Variants in CD47 observed in about 807,000 individuals in gnomAD.
CD47 encodes CD47 molecule.
In CD47, 11 loss-of-function variants were observed where a neutral mutation model predicts 44.6. The ratio of observed to expected loss-of-function variants is 0.25; its 90% CI spans 0.16 to 0.41. The LOEUF (loss-of-function observed/expected upper bound fraction) is 0.41. Among genes scored for constraint, CD47 ranks in the 10% least tolerant of loss-of-function variants. The pLI is 1.00. For synonymous variants in CD47, 140 were observed against 136.3 expected (o/e 1.03, Z -0.19); for missense variants, 306 against 386.7 (o/e 0.79, Z 1.75).
In CD47 at chr3:108,079,976, T is replaced by C; in HGVS notation, c.400+15A>G. 1 of 1,556,344 alleles carries C rather than the reference T, an allele frequency of 6.4e-7. No individual in the cohort carries two copies. The highest frequency in any genetic ancestry group is 8.8e-7 in the Non-Finnish European group (1 of 1,139,726). On this transcript the variant is annotated intron_variant, in intron 2 of 10. Transcript: ENST00000361309. ...CCAGGACAAATAAAAAAAGAAGCTT[T>C]CATAGAAGTCTTACCAACACGATAT...
At chr3:108,050,371 C>T (rs1218342976) in intron 9 of CD47, among the ~76,000 whole-genome samples, 2 of 152,138 alleles carry the variant, frequency 1.3e-5, no homozygotes, top group Non-Finnish European at 2.9e-5. Context: ...CCGCCTTGGC[C>T]TCCCAAGGTG....
Position 108,090,891 on chromosome 3 carries a change from C to G in CD47, c.18G>C (p.Ala6=). ...AGCACGCCGAGCCCAGCAACAGCGCCGCTACCAGGGGCCACATCTCCGCGC... is the reference window on the plus strand; with the variant it reads ...AGCACGCCGAGCCCAGCAACAGCGCGGCTACCAGGGGCCACATCTCCGCGC... MWPLV[A]ALLLGSACCG... is the part of the protein sequence containing the mutation. Residue 6 remains alanine (A), a synonymous_variant, in exon 1 of 11, where the codon GCG becomes GCC. Transcript: ENST00000361309. 4 of 1,490,704 alleles carry G rather than the reference C, an allele frequency of 2.7e-6. No homozygotes were observed. The highest frequency in any genetic ancestry group is 2.8e-5 in the East Asian group (1 of 35,718). 92.3% of individuals were successfully genotyped at this position (1,490,704 alleles called of 1,614,324 possible).
Position 108,047,150 on chromosome 3 carries a change from G to A in CD47, c.*138C>T. On this transcript the variant is annotated 3_prime_UTR_variant, in exon 11 of 11. Coordinates refer to ENST00000361309, the MANE Select transcript of CD47 (RefSeq NM_001777.4). Reference sequence around the variant, plus strand: ...AAACTTAACTAACAATCACGTAAGGGTCTCATAGGTGACAACCAGTTACTT... The same window carrying A: ...AAACTTAACTAACAATCACGTAAGGATCTCATAGGTGACAACCAGTTACTT... 1.8e-6 allele frequency: 1 copy of A among 566,456 alleles called. No homozygotes were observed. The allele number at this position is 566,456 out of a possible 1,614,324, so 35.1% of individuals were successfully genotyped here.
chr3:108,090,791 T>G, intron 1 of CD47, 72 bp downstream of exon 1: 2 of 1,345,304 alleles, frequency 1.5e-6, no homozygotes, highest in East Asian at 3.1e-5. Context: ...CCGGGCTGGC[T>G]GGGGCGCAGC....
At chr3:108,070,210 T>C (rs1178922692) in intron 3 of CD47, among the ~76,000 whole-genome samples, 1 of 152,204 alleles carries the variant, frequency 6.6e-6, no homozygotes, top group Non-Finnish European at 1.5e-5. Flanking sequence ...ACTGCAATAG[T>C]TTACTAGCTT....
At chr3:108,047,610 C>G (rs887553341) in intron 10 of CD47, among the ~76,000 whole-genome samples, 1 of 152,180 alleles carries the variant, frequency 6.6e-6, no homozygotes, top group Non-Finnish European at 1.5e-5. Context: ...ATAATATTCA[C>G]TTTGGATCTC....
chr3:108,060,774 A>G lies in CD47; in HGVS notation c.569T>C (p.Val190Ala), dbSNP rs767172511. 6.2e-7 allele frequency: 1 copy of G among 1,613,434 alleles called. No individual in the cohort carries two copies. The highest frequency in any genetic ancestry group is 1.1e-5 in the South Asian group (1 of 91,070). ...LVAGLVITVIVIVGAILFVPG... is the reference protein window; with the variant it reads ...LVAGLVITVIAIVGAILFVPG... ...GACGAAAAGAATGGCTCCAACAATG[A>G]CAATGACAGTGATCACTAGTCCAGC... The change falls in exon 4 of 11, where the codon GTC becomes GCC. Residue 190 changes from valine (V) to alanine (A), a missense_variant. By Grantham distance (64) the Val-to-Ala change is moderately conservative. Around this residue, in one of 5 missense-constraint regions of CD47, gnomAD observed 65 missense variants for 119.9 expected, o/e 0.54. Coordinates refer to ENST00000361309, the MANE Select transcript of CD47 (RefSeq NM_001777.4).
At chr3:108,058,260 G>A in intron 6 of CD47, 77 bp downstream of exon 6, 5 of 821,800 alleles carry the variant, frequency 6.1e-6, no homozygotes, top group Non-Finnish European at 9.0e-6. Context: ...TTTAAAAAGA[G>A]AGAAAGAAAA....
At chr3:108,058,234 A>ATCAAG in intron 6 of CD47, 103 bp downstream of exon 6, 3 of 637,040 alleles carry the variant, frequency 4.7e-6, no homozygotes, top group South Asian at 5.7e-5. Flanking sequence ...AAAAAAAAAA[A>ATCAAG]TCAAGTCTAT....
chr3:108,049,557 T>C, intron 10 of CD47, 62 bp downstream of exon 10: 1 of 1,054,296 alleles, frequency 9.5e-7, no homozygotes, highest in South Asian at 1.3e-5. Context: ...CAAGAAGCTT[T>C]TTTGTTTTCC....
intron 10 of CD47, among the ~76,000 whole-genome samples, chr3:108,047,930 T>G (rs2078747716): frequency 6.6e-6 from 1 of 152,156 alleles, no homozygotes; most frequent in Admixed American, 6.5e-5. Context: ...AGTCACATCT[T>G]AAGAGAAATT....
At position 108,044,750 on chromosome 3, in the gene CD47, A is replaced by G. The variant is rs1277964434; in HGVS notation, c.*2538T>C. The G allele has an allele frequency of 6.6e-6, 1 of 152,232 alleles. No individual in the cohort carries two copies. Among genetic ancestry groups the G allele is most frequent in the African/African-American group, 2.4e-5 (1 of 41,444 alleles). 9.4% of individuals were successfully genotyped at this position (152,232 alleles called of 1,614,324 possible). On this transcript the variant is annotated 3_prime_UTR_variant, in exon 11 of 11. Coordinates refer to ENST00000361309, the MANE Select transcript of CD47 (RefSeq NM_001777.4). ...CAGATGAAGAGGAACTGCAAAGGAG[A>G]ATGTTTTGAAGGAGAAGACAAATAG...
At chr3:108,067,347 C>A (rs968192616) in intron 3 of CD47, among the ~76,000 whole-genome samples, 1 of 152,104 alleles carries the variant, frequency 6.6e-6, no homozygotes, top group African/African-American at 2.4e-5. Flanking sequence ...CGGTTTTGTG[C>A]GAAGCCAGTA....
intron 7 of CD47, chr3:108,053,582 G>C (rs1465728766): frequency 6.6e-6 from 1 of 152,352 alleles, no homozygotes; most frequent in Non-Finnish European, 1.5e-5. Flanking sequence ...ATAACTGACA[G>C]GGGCATCACC....
intron 2 of CD47, among the ~76,000 whole-genome samples, chr3:108,071,392 C>T (rs2079198823): frequency 6.6e-6 from 1 of 152,078 alleles, no homozygotes; most frequent in Non-Finnish European, 1.5e-5. Context: ...TGAATAAAAA[C>T]TACACTTACT....
At chr3:108,057,697 A>G (rs1443118476) in intron 6 of CD47, 128 bp from the exon 7 acceptor site, 1 of 527,990 alleles carries the variant, frequency 1.9e-6, no homozygotes, top group Non-Finnish European at 3.5e-6. Context: ...ATATATGTTT[A>G]TTAACTTAAC....
chr3:108,083,870 C>A (rs2079464892), intron 1 of CD47, among the ~76,000 whole-genome samples: 1 of 151,078 alleles, frequency 6.6e-6, no homozygotes, highest in South Asian at 2.1e-4. Flanking sequence ...CCCTATAAAC[C>A]TACCTGTAAC....
At chr3:108,058,233 A>C in intron 6 of CD47, 104 bp downstream of exon 6, 2 of 642,682 alleles carry the variant, frequency 3.1e-6, no homozygotes, top group Non-Finnish European at 5.0e-6. Context: ...TAAAAAAAAA[A>C]ATCAAGTCTA....
intron 8 of CD47, chr3:108,051,737 T>C (rs769592815): frequency 1.4e-5 from 9 of 663,654 alleles, no homozygotes; most frequent in Non-Finnish European, 2.6e-5. Context: ...AAATCATTTA[T>C]TCCATCCCAT....
Sources: allele counts gnomAD v4.1 joint callset (sites outside exome capture counted in the v4.1 genomes callset), GRCh38; gene constraint gnomAD v4.1.1; regional missense constraint gnomAD v4.1.1; transcripts MANE v1.5; gene names NCBI Gene and HGNC (gene_info 2026-07-23, HGNC 2026-07-21).